The following SUMF1 variants were observed in gnomAD, a reference collection of about 807,000 sequenced individuals.
SUMF1 encodes formylglycine-generating enzyme.
SUMF1 carries 48 observed loss-of-function variants against 47.6 expected under a neutral mutation model. The ratio of observed to expected loss-of-function variants is 1.01; its 90% CI spans 0.80 to 1.28. The LOEUF is 1.28. Among genes scored for constraint, SUMF1 ranks in the 50% most tolerant of loss-of-function variants. The pLI, the probability that SUMF1 is intolerant of heterozygous loss-of-function variation, is 0.00. For missense variants in SUMF1, 571 were observed against 485.4 expected (o/e 1.18, Z -1.66); for synonymous variants, 230 against 192.1 (o/e 1.20, Z -1.63).
intron 8 of SUMF1, among the ~76,000 whole-genome samples, chr3:4,343,696 T>C (rs1699317055): frequency 1.3e-5 from 2 of 152,228 alleles, no homozygotes; most frequent in South Asian, 4.1e-4. Flanking sequence ...AAATTCACTG[T>C]GCATGGATGT....
chr3:4,334,162 T>A (rs553330413), intron 8 of SUMF1, among the ~76,000 whole-genome samples: 2 of 151,662 alleles, frequency 1.3e-5, no homozygotes, highest in South Asian at 2.1e-4. Flanking sequence ...AAAAAAAAAA[T>A]TCCAAAAAAC....
intron 8 of SUMF1, among the ~76,000 whole-genome samples, chr3:4,159,532 TG>T (rs1036199346): frequency 1.3e-5 from 2 of 151,928 alleles, no homozygotes; most frequent in African/African-American, 4.8e-5. Flanking sequence ...AGTTTTTTTT[TG>T]ATCAGTTCAT....
At chr3:4,054,469 T>C (rs1235971891) in intron 9 of SUMF1, among the ~76,000 whole-genome samples, 3 of 152,208 alleles carry the variant, frequency 2.0e-5, no homozygotes, top group Non-Finnish European at 1.5e-5. Flanking sequence ...ATTGGCTCTC[T>C]GGCATCAGTC....
rs540395439 is a variant in SUMF1, at chr3:4,419,990, G to C, written c.602+74C>G. Reference sequence around the variant, plus strand: ...TTTTATAGATGAAGATGCCCACTGAGTTCTTTTGCAAGAGCAAAGGGTACC... The same window carrying C: ...TTTTATAGATGAAGATGCCCACTGACTTCTTTTGCAAGAGCAAAGGGTACC... On this transcript the variant is annotated intron_variant, in intron 4 of 8. Transcript: ENST00000272902. 5.7e-4 allele frequency: 703 copies of C among 1,233,512 alleles called. 2 individuals carry two copies. The highest frequency in any genetic ancestry group is 7.5e-4 in the Non-Finnish European group (626 of 837,764). The allele number at this position is 1,233,512 out of a possible 1,614,324, so 76.4% of individuals were successfully genotyped here.
intron 8 of SUMF1, among the ~76,000 whole-genome samples, chr3:4,290,922 A>C (rs571477412): frequency 2.3e-4 from 35 of 152,144 alleles, no homozygotes; most frequent in Admixed American, 6.5e-4. Context: ...GAAGTCAGGA[A>C]AAAAAACAAC....
chr3:4,307,535 A>G (rs1698238793), intron 8 of SUMF1, among the ~76,000 whole-genome samples: 1 of 152,244 alleles, frequency 6.6e-6, no homozygotes, highest in African/African-American at 2.4e-5. Flanking sequence ...ATTGTTGCAG[A>G]CAGGAATAGC....
chr3:4,132,058 C>G (rs542566219), intron 8 of SUMF1, among the ~76,000 whole-genome samples: 1 of 152,270 alleles, frequency 6.6e-6, no homozygotes, highest in Admixed American at 6.5e-5. Flanking sequence ...CAGCCAGCTA[C>G]CTGGTGGCAG....
At chr3:4,303,744 T>C in intron 8 of SUMF1, 1 of 1,472,134 alleles carries the variant, frequency 6.8e-7, no homozygotes, top group African/African-American at 1.4e-5. Context: ...TTTCAGTCCA[T>C]TCCCTGAAGC....
At chr3:4,390,494 G>C (rs966600784) in intron 7 of SUMF1, among the ~76,000 whole-genome samples, 22 of 152,150 alleles carry the variant, frequency 1.4e-4, no homozygotes, top group Non-Finnish European at 8.8e-5. Flanking sequence ...TGGCTAGAGA[G>C]AACAGGCTTT....
chr3:4,352,873 T>A (rs1699533439), intron 8 of SUMF1, among the ~76,000 whole-genome samples: 1 of 152,166 alleles, frequency 6.6e-6, no homozygotes, highest in African/African-American at 2.4e-5. Flanking sequence ...AACAGTTAAT[T>A]TAACTTGCTC....
intron 8 of SUMF1, among the ~76,000 whole-genome samples, chr3:4,081,723 A>G (rs1466913470): frequency 6.6e-6 from 1 of 152,148 alleles, no homozygotes; most frequent in African/African-American, 2.4e-5. Context: ...ATAATATGCA[A>G]TGGTCAATTG....
chr3:4,350,411 T>C (rs933382739), intron 8 of SUMF1, among the ~76,000 whole-genome samples: 5 of 151,948 alleles, frequency 3.3e-5, no homozygotes, highest in Non-Finnish European at 5.9e-5. Flanking sequence ...ATTCAATATA[T>C]ATCCATATAT....
chr3:4,126,600 T>A (rs1435906185), intron 8 of SUMF1, among the ~76,000 whole-genome samples: 1 of 151,908 alleles, frequency 6.6e-6, no homozygotes, highest in African/African-American at 2.4e-5. Flanking sequence ...GCAACAGGAG[T>A]CTAAGAAAGT....
chr3:4,278,625 C>G (rs368773295), intron 8 of SUMF1, among the ~76,000 whole-genome samples: 14 of 152,074 alleles, frequency 9.2e-5, no homozygotes, highest in Middle Eastern at 3.4e-3. Flanking sequence ...CAACAGAAAC[C>G]GTTTAGACAT....
chr3:4,289,719 G>T (rs1196993467), intron 8 of SUMF1, among the ~76,000 whole-genome samples: 3 of 152,036 alleles, frequency 2.0e-5, no homozygotes, highest in Non-Finnish European at 4.4e-5. Flanking sequence ...TCCAGAAGGG[G>T]TAAAGCATCT....
At chr3:4,389,365 A>AT (rs1283679978) in intron 7 of SUMF1, among the ~76,000 whole-genome samples, 3 of 146,956 alleles carry the variant, frequency 2.0e-5, no homozygotes, top group Non-Finnish European at 4.5e-5. Flanking sequence ...GTAAGGTGTC[A>AT]TTTTTTCTGG....
chr3:4,204,281 T>G (rs765717938), intron 8 of SUMF1, among the ~76,000 whole-genome samples: 1 of 152,154 alleles, frequency 6.6e-6, no homozygotes, highest in East Asian at 1.9e-4. Flanking sequence ...TTTTTTTATC[T>G]TTAGCACTTT....
At chr3:4,162,922 T>C (rs955279407) in intron 8 of SUMF1, among the ~76,000 whole-genome samples, 8 of 151,916 alleles carry the variant, frequency 5.3e-5, no homozygotes, top group Non-Finnish European at 1.0e-4. Context: ...AAAAAGGTTT[T>C]GAAAGTAATG....
intron 8 of SUMF1, among the ~76,000 whole-genome samples, chr3:4,072,417 C>T (rs748180215): frequency 2.0e-5 from 3 of 152,098 alleles, no homozygotes; most frequent in Non-Finnish European, 4.4e-5. Context: ...AACCAAAACG[C>T]CCCTTCTCCT....
Sources: allele counts gnomAD v4.1 joint callset (sites outside exome capture counted in the v4.1 genomes callset), GRCh38; gene constraint gnomAD v4.1.1; transcripts MANE v1.5; gene names NCBI Gene and HGNC (gene_info 2026-07-23, HGNC 2026-07-21).